Variants in CHODL observed in about 807,000 individuals in gnomAD.
CHODL encodes chondrolectin.
A neutral mutation model predicts 34.5 loss-of-function variants in CHODL; 29 were observed. The ratio of observed to expected loss-of-function variants is 0.84; its 90% CI spans 0.63 to 1.15. The LOEUF (loss-of-function observed/expected upper bound fraction) is 1.15. CHODL is among the 50% of genes most tolerant of loss of function. CHODL has a pLI of 0.00. For missense variants in CHODL, 332 were observed against 332.5 expected (o/e 1.00, Z 0.01); for synonymous variants, 125 against 116.1 (o/e 1.08, Z -0.49).
Position 18,266,213 on chromosome 21 carries a change from A to G in CHODL, c.*175A>G. The G allele has an allele frequency of 6.5e-7, 1 of 1,530,446 alleles. No homozygotes were observed. Among genetic ancestry groups the G allele is most frequent in the Non-Finnish European group, 8.8e-7 (1 of 1,137,866 alleles). The allele number at this position is 1,530,446 out of a possible 1,614,324, so 94.8% of individuals were successfully genotyped here. A position where few individuals can be genotyped will look rare whatever the true frequency, so the allele number is the denominator to read the frequency against. ...ATATGTCTATTATTTCATTTAAAGAATATGCTGTGCTAATAATGGAGTGAG... is the reference window on the plus strand; with the variant it reads ...ATATGTCTATTATTTCATTTAAAGAGTATGCTGTGCTAATAATGGAGTGAG... On this transcript the variant is annotated 3_prime_UTR_variant, in exon 6 of 6. Transcript: ENST00000299295.
At chr21:18,260,488 A>G (rs766242948) in intron 4 of CHODL, among the ~76,000 whole-genome samples, 18 of 152,182 alleles carry the variant, frequency 1.2e-4, no homozygotes, top group Non-Finnish European at 2.4e-4. Context: ...TGTTTTCTTC[A>G]GAGTGGTACT....
At chr21:18,215,199 G>GAAA (rs76175429) in intron 2 of CHODL, among the ~76,000 whole-genome samples, 10 of 139,020 alleles carry the variant, frequency 7.2e-5, no homozygotes, top group Admixed American at 1.4e-4. Context: ...TCTCAAACAT[G>GAAA]AAAAAAAAAA....
At chr21:18,178,014 G>T (rs1208629053) in intron 2 of CHODL, among the ~76,000 whole-genome samples, 4 of 152,086 alleles carry the variant, frequency 2.6e-5, no homozygotes, top group Non-Finnish European at 5.9e-5. Flanking sequence ...AATTTCCACA[G>T]TAGATCTAAC....
chr21:18,124,913 G>A (rs904028167), intron 2 of CHODL, among the ~76,000 whole-genome samples: 34 of 152,162 alleles, frequency 2.2e-4, no homozygotes, highest in African/African-American at 8.2e-4. Flanking sequence ...CCAAGATGTA[G>A]CAAGTTAAAT....
intron 2 of CHODL, among the ~76,000 whole-genome samples, chr21:18,184,101 A>G (rs552751334): frequency 6.6e-6 from 1 of 152,328 alleles, no homozygotes; most frequent in Admixed American, 6.5e-5. Context: ...ATAGACTTAC[A>G]GTTTCACGTA....
At chr21:18,028,277 C>CTTCCTTCCCT (rs377144650) in intron 2 of CHODL, among the ~76,000 whole-genome samples, 1 of 98,934 alleles carries the variant, frequency 1.0e-5, no homozygotes, top group African/African-American at 4.1e-5. Context: ...TTTCCTTTTC[C>CTTCCTTCCCT]CCTTCCTTCC....
At chr21:18,005,396 A>C (rs1168435600) in intron 1 of CHODL, among the ~76,000 whole-genome samples, 2 of 152,254 alleles carry the variant, frequency 1.3e-5, no homozygotes, top group Non-Finnish European at 2.9e-5. Flanking sequence ...AGAGACTTTA[A>C]ATTACATTTG....
intron 1 of CHODL, among the ~76,000 whole-genome samples, chr21:18,248,852 A>G (rs2074189854): frequency 8.9e-6 from 1 of 112,560 alleles, no homozygotes; most frequent in African/African-American, 4.5e-5. Flanking sequence ...GTATGTATAT[A>G]TACATTGTAT....
At chr21:18,119,641 A>G (rs867884930) in intron 2 of CHODL, among the ~76,000 whole-genome samples, 1 of 152,168 alleles carries the variant, frequency 6.6e-6, no homozygotes, top group African/African-American at 2.4e-5. Flanking sequence ...TTCTTTTTCA[A>G]TTAAGAAGTT....
At chr21:18,150,787 A>G (rs1363235535) in intron 2 of CHODL, among the ~76,000 whole-genome samples, 1 of 152,102 alleles carries the variant, frequency 6.6e-6, no homozygotes, top group Non-Finnish European at 1.5e-5. Flanking sequence ...GACTGGCCAT[A>G]AAGAAATTCT....
chr21:18,216,070 A>T (rs998159653), intron 2 of CHODL, among the ~76,000 whole-genome samples: 6 of 151,842 alleles, frequency 4.0e-5, no homozygotes, highest in African/African-American at 1.5e-4. Context: ...TTCTTCTCTT[A>T]TATGTTAATT....
At chr21:18,079,950 C>G (rs988453717) in intron 2 of CHODL, among the ~76,000 whole-genome samples, 8 of 150,958 alleles carry the variant, frequency 5.3e-5, no homozygotes, top group African/African-American at 1.9e-4. Context: ...ACATTCTTAC[C>G]AACAGTGTAT....
chr21:18,016,768 G>A (rs2064078367), intron 1 of CHODL, among the ~76,000 whole-genome samples: 1 of 152,258 alleles, frequency 6.6e-6, no homozygotes, highest in Admixed American at 6.5e-5. Context: ...CATGAAAGCA[G>A]CCAAGGGATC....
chr21:18,133,151 A>G (rs1187325565), intron 2 of CHODL, among the ~76,000 whole-genome samples: 1 of 152,142 alleles, frequency 6.6e-6, no homozygotes, highest in Non-Finnish European at 1.5e-5. Context: ...CAGAAACTTT[A>G]AGGGCTTTCT....
intron 2 of CHODL, among the ~76,000 whole-genome samples, chr21:18,222,788 C>A (rs1012112840): frequency 3.0e-4 from 45 of 152,038 alleles, no homozygotes; most frequent in African/African-American, 9.9e-4. Flanking sequence ...ATGTTTAGGT[C>A]TTTTTTTGTG....
chr21:18,088,205 G>T (rs1284856856), intron 2 of CHODL, among the ~76,000 whole-genome samples: 1 of 152,116 alleles, frequency 6.6e-6, no homozygotes, highest in East Asian at 1.9e-4. Context: ...GAGAGGGTGA[G>T]GTCTCTCCTA....
At chr21:18,081,271 C>A (rs986533270) in intron 2 of CHODL, among the ~76,000 whole-genome samples, 3 of 152,078 alleles carry the variant, frequency 2.0e-5, no homozygotes, top group African/African-American at 7.2e-5. Flanking sequence ...GATCATATAT[C>A]ATCAGTGAAC....
chr21:18,249,067 T>C (rs2074200005), intron 1 of CHODL, among the ~76,000 whole-genome samples: 1 of 120,710 alleles, frequency 8.3e-6, no homozygotes, highest in Non-Finnish European at 1.6e-5. Flanking sequence ...TATAATTTAC[T>C]ATATATAATA....
At chr21:18,220,098 G>A (rs1353257101) in intron 2 of CHODL, among the ~76,000 whole-genome samples, 1 of 152,044 alleles carries the variant, frequency 6.6e-6, no homozygotes, top group African/African-American at 2.4e-5. Flanking sequence ...ATTTAAATTT[G>A]ATTTTTGTAT....
Sources: allele counts gnomAD v4.1 joint callset (sites outside exome capture counted in the v4.1 genomes callset), GRCh38; gene constraint gnomAD v4.1.1; transcripts MANE v1.5; gene names NCBI Gene and HGNC (gene_info 2026-07-23, HGNC 2026-07-21).